The following ZFP2 variants were observed in gnomAD, a reference collection of about 807,000 sequenced individuals.
ZFP2 encodes zinc finger protein ZFP2.
ZFP2 carries 33 observed loss-of-function variants against 36.1 expected under a neutral mutation model. That is an observed-to-expected ratio of 0.92 (90% confidence interval 0.69 to 1.22). The LOEUF is 1.22. Among genes scored for constraint, ZFP2 ranks in the 50% most tolerant of loss-of-function variants. ZFP2 has a pLI of 0.00. For synonymous variants in ZFP2, 170 were observed against 178.0 expected (o/e 0.96, Z 0.36); for missense variants, 522 against 551.4 (o/e 0.95, Z 0.53).
chr5:178,915,472 C>G (rs1352190050), intron 3 of ZFP2, among the ~76,000 whole-genome samples: 1 of 151,624 alleles, frequency 6.6e-6, no homozygotes, highest in African/African-American at 2.4e-5. Context: ...CACTGCCGTG[C>G]CCGGCTAATT....
intron 3 of ZFP2, among the ~76,000 whole-genome samples, chr5:178,914,222 A>G (rs1444331589): frequency 6.6e-6 from 1 of 152,198 alleles, no homozygotes; most frequent in Non-Finnish European, 1.5e-5. Context: ...TCTAGATAAT[A>G]TAAAGCTATC....
chr5:178,906,283 T>A (rs1758163446), intron 1 of ZFP2, among the ~76,000 whole-genome samples: 1 of 152,192 alleles, frequency 6.6e-6, no homozygotes, highest in Admixed American at 6.5e-5. Flanking sequence ...AGGTAATTTG[T>A]TGAAAAAAGT....
intron 4 of ZFP2, among the ~76,000 whole-genome samples, chr5:178,926,080 C>T (rs1241167332): frequency 2.8e-5 from 4 of 142,756 alleles, no homozygotes; most frequent in African/African-American, 9.9e-5. Context: ...TTCCTGGTCT[C>T]AAGAAATCCT....
At chr5:178,914,694 G>A (rs1300389726) in intron 3 of ZFP2, among the ~76,000 whole-genome samples, 1 of 152,136 alleles carries the variant, frequency 6.6e-6, no homozygotes, top group Non-Finnish European at 1.5e-5. Context: ...AGGCAGGAAG[G>A]GAGGAAATGA....
chr5:178,917,213 T>C (rs954697278), intron 4 of ZFP2, among the ~76,000 whole-genome samples: 2 of 152,188 alleles, frequency 1.3e-5, no homozygotes, highest in African/African-American at 4.8e-5. Flanking sequence ...CTATCAAAGA[T>C]TATGTGTAAA....
At chr5:178,909,619 A>T in intron 1 of ZFP2, 1 of 1,289,178 alleles carries the variant, frequency 7.8e-7, no homozygotes, top group Non-Finnish European at 1.0e-6. Flanking sequence ...AACTATCCTG[A>T]TCTTCAGTAA....
At chr5:178,914,308 G>T (rs926308720) in intron 3 of ZFP2, among the ~76,000 whole-genome samples, 2 of 152,090 alleles carry the variant, frequency 1.3e-5, no homozygotes, top group African/African-American at 4.8e-5. Flanking sequence ...ATCACTGCTG[G>T]TTTCCCACAA....
intron 4 of ZFP2, among the ~76,000 whole-genome samples, chr5:178,919,105 T>C (rs1421803068): frequency 6.6e-6 from 1 of 152,234 alleles, no homozygotes; most frequent in Non-Finnish European, 1.5e-5. Flanking sequence ...TCCTTGGTTC[T>C]GTTATTAGAG....
intron 1 of ZFP2, among the ~76,000 whole-genome samples, chr5:178,905,054 C>T (rs896407579): frequency 9.9e-5 from 15 of 151,968 alleles, no homozygotes; most frequent in East Asian, 3.9e-4. Context: ...TCAAAAGTTT[C>T]GTTACTGTTC....
intron 1 of ZFP2, among the ~76,000 whole-genome samples, chr5:178,911,327 G>T (rs920862530): frequency 6.6e-6 from 1 of 151,944 alleles, no homozygotes; most frequent in Non-Finnish European, 1.5e-5. Flanking sequence ...TCTCCACTAC[G>T]GTTGACCCTT....
chr5:178,932,759 A>C lies in ZFP2; in HGVS notation c.*60A>C. ...CTCTTCAGTAATAATCATATGAGAC[A>C]TACAATGTAGAAACCTAATAAATGT... On this transcript the variant is annotated 3_prime_UTR_variant, in exon 5 of 5. Coordinates refer to ENST00000361362, the MANE Select transcript of ZFP2 (RefSeq NM_030613.4). The C allele has an allele frequency of 2.0e-6, 3 of 1,511,590 alleles. No homozygotes were observed. Among genetic ancestry groups the C allele is most frequent in the South Asian group, 1.4e-5 (1 of 72,462 alleles). The allele number at this position is 1,511,590 out of a possible 1,614,324, so 93.6% of individuals were successfully genotyped here.
In ZFP2 at chr5:178,928,948, A is replaced by G. The variant is rs115482447; in HGVS notation, c.-77-2289A>G. Among the ~76,000 whole-genome samples, 1,048 of 152,358 alleles carry G rather than the reference A, an allele frequency of 6.9e-3. 2 individuals are homozygous for G. Among genetic ancestry groups the G allele is most frequent in the Non-Finnish European group, 0.011 (738 of 68,034 alleles). Reference sequence around the variant, plus strand: ...GAGTTTCCCAAGCCTTAACTGTTCAACTGTGTATACCCACAGGCTTTATAT... The same window carrying G: ...GAGTTTCCCAAGCCTTAACTGTTCAGCTGTGTATACCCACAGGCTTTATAT... On this transcript the variant is annotated intron_variant, in intron 4 of 4. Coordinates refer to ENST00000361362, the MANE Select transcript of ZFP2 (RefSeq NM_030613.4).
intron 1 of ZFP2, among the ~76,000 whole-genome samples, chr5:178,897,622 C>G (rs911402853): frequency 6.6e-6 from 1 of 152,166 alleles, no homozygotes; most frequent in Non-Finnish European, 1.5e-5. Context: ...TGAAATGTCA[C>G]TTATTTCATA....
At chr5:178,902,355 T>A (rs983856013) in intron 1 of ZFP2, among the ~76,000 whole-genome samples, 11 of 152,340 alleles carry the variant, frequency 7.2e-5, no homozygotes, top group African/African-American at 2.4e-4. Context: ...CTTACATCGA[T>A]ACAATACTAT....
chr5:178,928,339 G>A (rs78072058), intron 4 of ZFP2, among the ~76,000 whole-genome samples: 12,743 of 152,102 alleles, frequency 0.084, 679 homozygotes, highest in Non-Finnish European at 0.12. Flanking sequence ...AAAGTCCACA[G>A]TCTCATCTTA....
intron 4 of ZFP2, among the ~76,000 whole-genome samples, chr5:178,920,095 C>T (rs1467824058): frequency 6.6e-6 from 1 of 152,150 alleles, no homozygotes; most frequent in Non-Finnish European, 1.5e-5. Flanking sequence ...ACTTTTTCAG[C>T]ACCAAACATT....
chr5:178,932,350 G>T lies in ZFP2; in HGVS notation c.1037G>T (p.Arg346Ile). Residue 346 changes from arginine to isoleucine, a missense_variant, in exon 5 of 5, where the codon AGA (arginine) becomes ATA (isoleucine). Arg to Ile is a moderately conservative substitution (Grantham distance 97). Coordinates refer to ENST00000361362, the MANE Select transcript of ZFP2 (RefSeq NM_030613.4). Reference sequence around the variant, plus strand: ...AATTCATCTCTAACTCAACATCGGAGAATTCACACTGGAGAGAAACCTTAT... The same window carrying T: ...AATTCATCTCTAACTCAACATCGGATAATTCACACTGGAGAGAAACCTTAT... ...SKNSSLTQHR[R>I]IHTGEKPYEC... 1 of 1,614,186 alleles carries T rather than the reference G, an allele frequency of 6.2e-7. No individual in the cohort carries two copies. Among genetic ancestry groups the T allele is most frequent in the South Asian group, 1.1e-5 (1 of 91,084 alleles).
intron 4 of ZFP2, among the ~76,000 whole-genome samples, chr5:178,921,809 T>G (rs1471254101): frequency 6.7e-6 from 1 of 149,472 alleles, no homozygotes; most frequent in African/African-American, 2.4e-5. Context: ...CACCTGCTAC[T>G]GTTTACTTCT....
intron 4 of ZFP2, among the ~76,000 whole-genome samples, chr5:178,931,034 C>T (rs1469765764): frequency 6.6e-6 from 1 of 152,198 alleles, no homozygotes; most frequent in Non-Finnish European, 1.5e-5. Flanking sequence ...TTCAGTTCCC[C>T]TGTTATCTTT....
Sources: gnomAD v4.1 joint callset for allele counts (sites outside exome capture counted in the v4.1 genomes callset) on GRCh38, gnomAD v4.1.1 for gene constraint, MANE v1.5 for transcripts, NCBI Gene and HGNC (gene_info 2026-07-23, HGNC 2026-07-21) for gene names.